The following SYT16 variants were observed in gnomAD, a reference collection of about 807,000 sequenced individuals.
The protein encoded by SYT16 is synaptotagmin 16.
Under a neutral mutation model 61.4 loss-of-function variants are expected in SYT16, and 42 were observed. That is an observed-to-expected ratio of 0.68 (90% CI 0.53 to 0.89). SYT16 has a LOEUF of 0.89. Among genes scored for constraint, SYT16 ranks in the 40% least tolerant of loss-of-function variants. The pLI is 0.00. For missense variants in SYT16, 804 were observed against 807.3 expected (o/e 1.00, Z 0.05); for synonymous variants, 314 against 302.3 (o/e 1.04, Z -0.40).
intron 2 of SYT16, among the ~76,000 whole-genome samples, chr14:61,991,330 T>TTG (rs71117861): frequency 0.37 from 53,850 of 146,310 alleles, 10,364 homozygotes; most frequent in Non-Finnish European, 0.47. Context: ...TGTTTTTCAT[T>TTG]TGTGTGTGTG....
chr14:61,947,993 G>A (rs187683216), intron 1 of SYT16, among the ~76,000 whole-genome samples: 49 of 152,304 alleles, frequency 3.2e-4, no homozygotes, highest in Admixed American at 2.0e-3. Flanking sequence ...AGAAAAATGA[G>A]TAATCTGGTG....
At chr14:61,957,204 A>T (rs78673961) in intron 1 of SYT16, among the ~76,000 whole-genome samples, 1,444 of 55,438 alleles carry the variant, frequency 0.026, 18 homozygotes, top group African/African-American at 0.075. Flanking sequence ...GTTTTTTATT[A>T]TTTTTTTTAA....
At chr14:61,957,878 A>G (rs2050946094) in intron 1 of SYT16, among the ~76,000 whole-genome samples, 1 of 151,806 alleles carries the variant, frequency 6.6e-6, no homozygotes, top group African/African-American at 2.4e-5. Context: ...GATTGTTATT[A>G]ATTCTTTAAA....
intron 1 of SYT16, among the ~76,000 whole-genome samples, chr14:61,940,343 A>G (rs1053773719): frequency 3.3e-5 from 5 of 152,074 alleles, no homozygotes; most frequent in African/African-American, 1.2e-4. Context: ...TTGAGACTAA[A>G]TGGCTCTCCT....
chr14:62,011,489 T>G (rs2053447447), intron 3 of SYT16, among the ~76,000 whole-genome samples: 1 of 152,196 alleles, frequency 6.6e-6, no homozygotes, highest in Non-Finnish European at 1.5e-5. Context: ...GTGACAAACT[T>G]TAGCAATCTC....
At chr14:62,037,546 G>A (rs1345161522) in intron 3 of SYT16, among the ~76,000 whole-genome samples, 12 of 152,098 alleles carry the variant, frequency 7.9e-5, no homozygotes, top group Admixed American at 2.0e-4. Flanking sequence ...TTTTCTTGTC[G>A]TTAAGATTGT....
chr14:61,965,467 G>A (rs1050285467), intron 1 of SYT16, among the ~76,000 whole-genome samples: 1 of 152,040 alleles, frequency 6.6e-6, no homozygotes, highest in Admixed American at 6.6e-5. Context: ...CTCTCTAACT[G>A]AACTAAGCTT....
intron 1 of SYT16, among the ~76,000 whole-genome samples, chr14:61,855,144 C>T (rs1371218956): frequency 6.6e-6 from 1 of 152,150 alleles, no homozygotes; most frequent in Non-Finnish European, 1.5e-5. Context: ...AGACAGAGTC[C>T]TTCAAGTCAA....
At chr14:61,878,363 A>G (rs1259246729) in intron 1 of SYT16, among the ~76,000 whole-genome samples, 1 of 152,204 alleles carries the variant, frequency 6.6e-6, no homozygotes, top group East Asian at 1.9e-4. Context: ...TGATCCGGAA[A>G]TCTCAATTTA....
chr14:61,884,285 C>T (rs1217580074), intron 1 of SYT16, among the ~76,000 whole-genome samples: 1 of 152,144 alleles, frequency 6.6e-6, no homozygotes, highest in African/African-American at 2.4e-5. Context: ...ATCCATTCAT[C>T]AGCAATAAGT....
intron 1 of SYT16, among the ~76,000 whole-genome samples, chr14:61,933,036 T>C (rs934569966): frequency 1.3e-5 from 2 of 152,264 alleles, no homozygotes; most frequent in Non-Finnish European, 2.9e-5. Context: ...TTCTCTTTTT[T>C]GGTGGAATAT....
chr14:61,984,560 G>GA (rs1446173205), intron 2 of SYT16, among the ~76,000 whole-genome samples: 1 of 152,102 alleles, frequency 6.6e-6, no homozygotes, highest in Non-Finnish European at 1.5e-5. Context: ...ATGGGTGATG[G>GA]TAGTAAATTT....
intron 7 of SYT16, 146 bp downstream of exon 7, chr14:62,084,531 T>A (rs2056822823): frequency 1.2e-6 from 1 of 867,218 alleles, no homozygotes. Context: ...TACCTCTGTA[T>A]TTTTTAAATG....
chr14:62,097,621 A>T (rs1469599738), intron 7 of SYT16, among the ~76,000 whole-genome samples: 1 of 152,216 alleles, frequency 6.6e-6, no homozygotes, highest in Non-Finnish European at 1.5e-5. Context: ...TAGAACAATG[A>T]ACATTTTCCT....
intron 1 of SYT16, among the ~76,000 whole-genome samples, chr14:61,892,585 C>G (rs531334712): frequency 6.6e-6 from 1 of 152,110 alleles, no homozygotes; most frequent in Non-Finnish European, 1.5e-5. Context: ...GCTTGGCCTT[C>G]CCAGTGGAAA....
At position 61,914,557 on chromosome 14, in the gene SYT16, C is replaced by T. The variant is rs1244856917; in HGVS notation, c.-324-55575C>T. Among the ~76,000 whole-genome samples the T allele has an allele frequency of 2.0e-5, 3 of 152,166 alleles. No individual in the cohort carries two copies. The East Asian group carries it at 5.8e-4, about 29-fold the overall frequency. Reference sequence around the variant, plus strand: ...ATCAGATTCCTCCCTACCACCTGTTCCTCCTCCAGTGTTCCCCAGCTGTGT... The same window carrying T: ...ATCAGATTCCTCCCTACCACCTGTTTCTCCTCCAGTGTTCCCCAGCTGTGT... On this transcript the variant is annotated intron_variant, in intron 1 of 7. Coordinates refer to ENST00000683842, the MANE Select transcript of SYT16 (RefSeq NM_001367656.1).
chr14:61,832,075 CGTTCACGCCCCT>C (rs1262515300), intron 1 of SYT16: 7 of 722,274 alleles, frequency 9.7e-6, no homozygotes, highest in Admixed American at 3.7e-5. Context: ...GTCTTCCACT[CGTTCACGCCCCT>C]GTTCATCTCA....
At chr14:62,042,079 C>G (rs1330427853) in intron 3 of SYT16, among the ~76,000 whole-genome samples, 5 of 152,136 alleles carry the variant, frequency 3.3e-5, no homozygotes, top group African/African-American at 1.2e-4. Flanking sequence ...ACTAATTATT[C>G]TCTGTGTAAT....
chr14:61,910,897 T>A (rs2048910499), intron 1 of SYT16, among the ~76,000 whole-genome samples: 1 of 152,244 alleles, frequency 6.6e-6, no homozygotes, highest in Non-Finnish European at 1.5e-5. Flanking sequence ...TAAACCTCCC[T>A]GCAGGGTATC....
Sources: allele counts gnomAD v4.1 joint callset (sites outside exome capture counted in the v4.1 genomes callset), GRCh38; gene constraint gnomAD v4.1.1; transcripts MANE v1.5; gene names NCBI Gene and HGNC (gene_info 2026-07-23, HGNC 2026-07-21).